The following MACROD2 variants were observed in gnomAD, a reference collection of about 807,000 sequenced individuals.
MACROD2 encodes the protein mono-ADP ribosylhydrolase 2.
MACROD2 carries 36 observed loss-of-function variants against 70.4 expected under a neutral mutation model. The observed-to-expected ratio is 0.51, with a 90% confidence interval of 0.39 to 0.68. The LOEUF is 0.68. Among genes scored for constraint, MACROD2 ranks in the 30% least tolerant of loss-of-function variants. The pLI is 0.00. For missense variants in MACROD2, 496 were observed against 538.4 expected (o/e 0.92, Z 0.78); for synonymous variants, 172 against 178.8 (o/e 0.96, Z 0.30).
At chr20:14,985,161 C>G (rs994214743) in intron 5 of MACROD2, among the ~76,000 whole-genome samples, 1 of 152,148 alleles carries the variant, frequency 6.6e-6, no homozygotes, top group Non-Finnish European at 1.5e-5. Context: ...TCAAAACTCC[C>G]AAGACAGCCA....
At chr20:14,237,500 G>A (rs2081887315) in intron 3 of MACROD2, among the ~76,000 whole-genome samples, 1 of 149,508 alleles carries the variant, frequency 6.7e-6, no homozygotes, top group African/African-American at 2.5e-5. Flanking sequence ...TATCTCTTTA[G>A]CTAAGTCTAA....
chr20:15,888,884 G>T (rs1234346934), intron 10 of MACROD2, among the ~76,000 whole-genome samples: 2 of 152,128 alleles, frequency 1.3e-5, no homozygotes, highest in African/African-American at 4.8e-5. Flanking sequence ...ACTTAAGCAT[G>T]TCAGTCTCGA....
At chr20:15,179,346 A>G (rs1386634133) in intron 5 of MACROD2, among the ~76,000 whole-genome samples, 2 of 152,128 alleles carry the variant, frequency 1.3e-5, no homozygotes, top group Admixed American at 1.3e-4. Flanking sequence ...TTAGTAAATT[A>G]CCATCCAGAT....
chr20:14,780,707 T>C (rs896842732), intron 5 of MACROD2, among the ~76,000 whole-genome samples: 5 of 152,060 alleles, frequency 3.3e-5, no homozygotes, highest in Non-Finnish European at 5.9e-5. Context: ...ATTTAATTAC[T>C]AGTGAATTGA....
At chr20:14,846,289 T>C (rs938765700) in intron 5 of MACROD2, among the ~76,000 whole-genome samples, 1 of 151,984 alleles carries the variant, frequency 6.6e-6, no homozygotes, top group Admixed American at 6.6e-5. Context: ...GCAGTGACGA[T>C]CTCGGCTCAC....
intron 5 of MACROD2, among the ~76,000 whole-genome samples, chr20:14,936,199 A>G (rs117779861): frequency 0.012 from 1,802 of 152,296 alleles, 28 homozygotes; most frequent in Non-Finnish European, 0.016. Flanking sequence ...TCGAAGGGTA[A>G]CATAGGAGTT....
In MACROD2 at chr20:14,431,381, G is replaced by A. The variant is rs545336062; in HGVS notation, c.272-62098G>A. Among the ~76,000 whole-genome samples the A allele has an allele frequency of 3.9e-5, 6 of 151,988 alleles. No homozygotes were observed. The South Asian group carries it at 1.3e-3, about 32-fold the overall frequency. On this transcript the variant is annotated intron_variant, in intron 3 of 17. Transcript: ENST00000684519. ...AGGGTGGGATGGAGCTTAGAAGAAA[G>A]GTCACAAGAATTTATTTTTAAGAGA...
At position 15,533,544 on chromosome 20, in the gene MACROD2, G is replaced by GCTCTCTCTCT. The variant is rs3071260; in HGVS notation, c.645+33726_645+33735dup. ...CCAACTTTCTGTCTCTGTCTCTGTC[G>GCTCTCTCTCT]CTCTCTCTCTCTCTCTCTCTCTCTC... On this transcript the variant is annotated intron_variant, in intron 8 of 17. Coordinates refer to ENST00000684519, the MANE Select transcript of MACROD2 (RefSeq NM_001351661.2). 9.4e-4 allele frequency among the ~76,000 whole-genome samples: 132 copies of GCTCTCTCTCT among 141,174 alleles called. 1 individual carries two copies. In the East Asian group the frequency reaches 0.01, roughly 11 times the overall value. 92.6% of individuals were successfully genotyped at this position (141,174 alleles called of 152,430 possible). A position where few individuals can be genotyped will look rare whatever the true frequency, so the allele number is the denominator to read the frequency against.
At chr20:14,165,782 A>G (rs781628752) in intron 3 of MACROD2, among the ~76,000 whole-genome samples, 5 of 152,216 alleles carry the variant, frequency 3.3e-5, no homozygotes, top group Non-Finnish European at 7.3e-5. Context: ...AAATGCATTG[A>G]TGGATGAATG....
chr20:14,010,256 T>A (rs1198461693), intron 2 of MACROD2, among the ~76,000 whole-genome samples: 2 of 152,156 alleles, frequency 1.3e-5, no homozygotes, highest in Non-Finnish European at 2.9e-5. Context: ...ATTAAGATCA[T>A]AAGAGAAAAT....
In MACROD2 at chr20:15,438,152, T is replaced by TAA. The variant is rs879831619; in HGVS notation, c.571+6728_571+6729dup. Among the ~76,000 whole-genome samples, 4 of 142,032 alleles carry TAA rather than the reference T, an allele frequency of 2.8e-5. No homozygotes were observed. In the Admixed American group the frequency reaches 2.8e-4, roughly 10 times the overall value. 93.2% of individuals were successfully genotyped at this position (142,032 alleles called of 152,430 possible). A position where few individuals can be genotyped will look rare whatever the true frequency, so the allele number is the denominator to read the frequency against. On this transcript the variant is annotated intron_variant, in intron 7 of 17. Transcript: ENST00000684519. ...CCTGGGCAAGAAGAACAAAACTCCGTAAAAAAAAAAAAGAATGATTTATAT... is the reference window on the plus strand; with the variant it reads ...CCTGGGCAAGAAGAACAAAACTCCGTAAAAAAAAAAAAAAGAATGATTTATAT...
intron 5 of MACROD2, among the ~76,000 whole-genome samples, chr20:14,924,479 G>C (rs1012875247): frequency 6.6e-6 from 1 of 151,932 alleles, no homozygotes; most frequent in Non-Finnish European, 1.5e-5. Flanking sequence ...AAAAAAGAAA[G>C]AAAGTAGAGT....
chr20:14,512,727 T>C (rs1462465376), intron 4 of MACROD2, among the ~76,000 whole-genome samples: 5 of 152,056 alleles, frequency 3.3e-5, no homozygotes, highest in African/African-American at 1.2e-4. Flanking sequence ...GATTTTTTTG[T>C]CCTCTCGTGC....
chr20:14,775,300 A>G (rs2123776853), intron 5 of MACROD2, among the ~76,000 whole-genome samples: 1 of 152,182 alleles, frequency 6.6e-6, no homozygotes, highest in African/African-American at 2.4e-5. Context: ...GGAATACCTG[A>G]GGCGGGGTAA....
chr20:15,528,140 A>ATT (rs11482386), intron 8 of MACROD2, among the ~76,000 whole-genome samples: 38 of 151,406 alleles, frequency 2.5e-4, no homozygotes, highest in African/African-American at 7.5e-4. Flanking sequence ...GTCTGGACAC[A>ATT]TTTTTTTTTA....
intron 3 of MACROD2, among the ~76,000 whole-genome samples, chr20:14,340,388 T>C (rs1309744645): frequency 1.3e-5 from 2 of 152,130 alleles, no homozygotes; most frequent in African/African-American, 2.4e-5. Context: ...AATAAGACGA[T>C]AGCTGTCATT....
intron 3 of MACROD2, among the ~76,000 whole-genome samples, chr20:14,480,397 A>G (rs1600284824): frequency 6.6e-6 from 1 of 152,198 alleles, no homozygotes; most frequent in East Asian, 1.9e-4. Context: ...TAGACACCAC[A>G]TCTATTGCAT....
intron 8 of MACROD2, among the ~76,000 whole-genome samples, chr20:15,836,168 A>C (rs2064112356): frequency 1.3e-5 from 2 of 152,198 alleles, no homozygotes; most frequent in African/African-American, 4.8e-5. Context: ...GTATCTAATA[A>C]TAGTGACGTT....
At chr20:15,725,592 A>G (rs1306680697) in intron 8 of MACROD2, among the ~76,000 whole-genome samples, 2 of 152,006 alleles carry the variant, frequency 1.3e-5, no homozygotes, top group Non-Finnish European at 2.9e-5. Flanking sequence ...GTTTTATTTC[A>G]TTAGTCAGTG....
Sources: allele counts gnomAD v4.1 joint callset (sites outside exome capture counted in the v4.1 genomes callset), GRCh38; gene constraint gnomAD v4.1.1; transcripts MANE v1.5; gene names NCBI Gene and HGNC (gene_info 2026-07-23, HGNC 2026-07-21).